Variants in FAM114A1 observed in about 807,000 individuals in gnomAD.
FAM114A1 encodes family with sequence similarity 114 member A1, also known as protein NOXP20.
A neutral mutation model predicts 64.3 loss-of-function variants in FAM114A1; 62 were observed. The ratio of observed to expected loss-of-function variants is 0.96; its 90% CI spans 0.79 to 1.19. The LOEUF is 1.19. FAM114A1 is among the 50% of genes most tolerant of loss of function. The pLI, the probability that FAM114A1 is intolerant of heterozygous loss-of-function variation, is 0.00. For missense variants in FAM114A1, 645 were observed against 676.3 expected (o/e 0.95, Z 0.51); for synonymous variants, 254 against 251.1 (o/e 1.01, Z -0.11).
intron 4 of FAM114A1, 51 bp downstream of exon 4, chr4:38,891,881 G>C: frequency 6.6e-7 from 1 of 1,523,456 alleles, no homozygotes; most frequent in Non-Finnish European, 8.9e-7. Context: ...AGCCTAATAG[G>C]ATAGGACGTT....
intron 8 of FAM114A1, among the ~76,000 whole-genome samples, chr4:38,920,863 C>T (rs972747370): frequency 1.3e-5 from 2 of 152,218 alleles, no homozygotes; most frequent in African/African-American, 2.4e-5. Flanking sequence ...TGAGTCTGGG[C>T]ACATTTACTT....
In FAM114A1 at chr4:38,878,144, T is replaced by C. The variant is rs765197876; in HGVS notation, c.66T>C (p.Asn22=). 4.3e-6 allele frequency: 7 copies of C among 1,614,210 alleles called. No individual in the cohort carries two copies. Among genetic ancestry groups the C allele is most frequent in the Non-Finnish European group, 5.9e-6 (7 of 1,180,032 alleles). The change falls in exon 3 of 15, where the codon AAT becomes AAC. Residue 22 remains asparagine (N), a synonymous_variant. Transcript: ENST00000358869. ...GDKAEVTEMP[N]SDSLPEDAEV... is the part of the protein sequence containing the mutation. ...AAGCAGAAGTTACTGAGATGCCTAA[T>C]AGTGATTCTTTACCTGAGGATGCAG...
At position 38,945,486 on chromosome 4, in the gene FAM114A1, C is replaced by G. The variant is rs769802989; in HGVS notation, c.*1929C>G. On this transcript the variant is annotated 3_prime_UTR_variant, in exon 15 of 15. Coordinates refer to ENST00000358869, the MANE Select transcript of FAM114A1 (RefSeq NM_138389.4). ...GTAGTTCTCTCCAGGGCAAATGAAG[C>G]TCACAGTTTTGCAAGGTGGAAACCT... 1.3e-5 allele frequency: 2 copies of G among 152,244 alleles called. No homozygotes were observed. Among genetic ancestry groups the G allele is most frequent in the Non-Finnish European group, 2.9e-5 (2 of 68,046 alleles). 9.4% of individuals were successfully genotyped at this position (152,244 alleles called of 1,614,324 possible). A position where few individuals can be genotyped will look rare whatever the true frequency, so the allele number is the denominator to read the frequency against.
At chr4:38,935,578 G>C (rs745727051) in intron 12 of FAM114A1, 140 bp from the exon 13 acceptor site, 7 of 525,132 alleles carry the variant, frequency 1.3e-5, no homozygotes, top group Non-Finnish European at 2.0e-5. Context: ...CCGCCTGACT[G>C]CACATTTCTG....
At chr4:38,922,375 A>T (rs1387728476) in intron 8 of FAM114A1, among the ~76,000 whole-genome samples, 1 of 152,248 alleles carries the variant, frequency 6.6e-6, no homozygotes, top group East Asian at 1.9e-4. Flanking sequence ...GAGGCATTAA[A>T]AGGTTAAATA....
chr4:38,918,414 G>A (rs1039599280), intron 8 of FAM114A1, among the ~76,000 whole-genome samples: 3 of 152,146 alleles, frequency 2.0e-5, no homozygotes, highest in African/African-American at 4.8e-5. Flanking sequence ...AGGTACACAG[G>A]CCTCCAGCAA....
chr4:38,925,981 T>C (rs1720057731), intron 9 of FAM114A1, among the ~76,000 whole-genome samples: 2 of 152,260 alleles, frequency 1.3e-5, no homozygotes, highest in South Asian at 2.1e-4. Context: ...TTAGTGTTGA[T>C]TCCTCCCAAA....
chr4:38,938,232 A>C (rs1202782230), intron 13 of FAM114A1, among the ~76,000 whole-genome samples: 1 of 152,178 alleles, frequency 6.6e-6, no homozygotes, highest in Non-Finnish European at 1.5e-5. Context: ...CTGCAGACCT[A>C]CCTGGCTTCT....
chr4:38,891,009 G>T (rs745482322), intron 3 of FAM114A1, among the ~76,000 whole-genome samples: 1 of 152,074 alleles, frequency 6.6e-6, no homozygotes, highest in Non-Finnish European at 1.5e-5. Context: ...TAGTCTGCGT[G>T]GTGGATATAA....
intron 3 of FAM114A1, among the ~76,000 whole-genome samples, chr4:38,885,657 A>G (rs1715726673): frequency 6.6e-6 from 1 of 152,186 alleles, no homozygotes. Context: ...ATGTGTACCA[A>G]TTAAAACCCA....
rs550202204 is a variant in FAM114A1, at chr4:38,924,642, C to G, written c.1069+1749C>G. Among the ~76,000 whole-genome samples the G allele has an allele frequency of 5.1e-4, 77 of 152,230 alleles. 1 individual carries two copies. In the South Asian group the frequency reaches 0.014, roughly 28 times the overall value. On this transcript the variant is annotated intron_variant, in intron 9 of 14. Transcript: ENST00000358869. ...ATTATACTGAAGCATAGAAAGAGGC[C>G]GTATCAGAGACAGTTGGGAATCATG...
chr4:38,926,738 G>A (rs987881299), intron 9 of FAM114A1, among the ~76,000 whole-genome samples: 1 of 152,146 alleles, frequency 6.6e-6, no homozygotes, highest in Non-Finnish European at 1.5e-5. Context: ...TTACAGGCGT[G>A]AGCCACTGTG....
intron 8 of FAM114A1, 83 bp from the exon 9 acceptor site, chr4:38,922,687 T>C (rs1719716534): frequency 6.6e-7 from 1 of 1,505,594 alleles, no homozygotes; most frequent in African/African-American, 1.4e-5. Flanking sequence ...ACTTTTGTCC[T>C]GGGAAAACTG....
chr4:38,894,026 G>C (rs941224208), intron 4 of FAM114A1, among the ~76,000 whole-genome samples: 1 of 152,020 alleles, frequency 6.6e-6, no homozygotes, highest in African/African-American at 2.4e-5. Context: ...AGCTGGACGT[G>C]GTGGTGGGTG....
chr4:38,925,961 G>GT (rs1720056738), intron 9 of FAM114A1, among the ~76,000 whole-genome samples: 1 of 152,068 alleles, frequency 6.6e-6, no homozygotes, highest in South Asian at 2.1e-4. Context: ...CAAAGTGCTT[G>GT]TATCTTAATT....
chr4:38,868,086 CG>C (rs1254253462), intron 1 of FAM114A1: 1 of 419,576 alleles, frequency 2.4e-6, no homozygotes, highest in Non-Finnish European at 4.9e-6. Flanking sequence ...TGTGTCGCTC[CG>C]GGTCCACGCT....
chr4:38,871,755 A>C (rs1329633777), intron 2 of FAM114A1, among the ~76,000 whole-genome samples: 2 of 152,324 alleles, frequency 1.3e-5, no homozygotes, highest in African/African-American at 4.8e-5. Context: ...CCATGAATCC[A>C]AGTTCACTGA....
At chr4:38,891,638 T>C (rs1716403112) in intron 3 of FAM114A1, 105 bp from the exon 4 acceptor site, 1 of 925,900 alleles carries the variant, frequency 1.1e-6, no homozygotes, top group Non-Finnish European at 1.6e-6. Context: ...GATACGGTTG[T>C]TGGTGATTCT....
chr4:38,905,986 G>GTT, intron 6 of FAM114A1, 125 bp downstream of exon 6: 118 of 651,354 alleles, frequency 1.8e-4, no homozygotes, highest in South Asian at 4.7e-4. Context: ...TTGGATTATG[G>GTT]TTTTTTTTTT....
Sources: gnomAD v4.1 joint callset for allele counts (sites outside exome capture counted in the v4.1 genomes callset) on GRCh38, gnomAD v4.1.1 for gene constraint, MANE v1.5 for transcripts, NCBI Gene and HGNC (gene_info 2026-07-23, HGNC 2026-07-21) for gene names.